The following CFAP77 variants were observed in gnomAD, a reference collection of about 807,000 sequenced individuals.
CFAP77 encodes cilia- and flagella-associated protein 77.
Under a neutral mutation model 31.1 loss-of-function variants are expected in CFAP77, and 25 were observed. That is an observed-to-expected ratio of 0.80 (90% CI 0.59 to 1.12). CFAP77 has a LOEUF of 1.12. Ranked by LOEUF, CFAP77 falls within the 50% of genes most tolerant of loss-of-function variation. The pLI is 0.00. For missense variants in CFAP77, 377 were observed against 397.3 expected, an observed-to-expected ratio of 0.95 and a Z score of 0.44; for synonymous variants, 151 against 159.9, an observed-to-expected ratio of 0.94 and a Z score of 0.42.
intron 3 of CFAP77, among the ~76,000 whole-genome samples, chr9:132,536,891 T>C (rs1372869119): frequency 6.6e-6 from 1 of 152,136 alleles, no homozygotes; most frequent in Non-Finnish European, 1.5e-5. Flanking sequence ...ATGGGAATAA[T>C]ACTAGTATCC....
At chr9:132,540,626 G>T (rs1293729280) in intron 4 of CFAP77, among the ~76,000 whole-genome samples, 1 of 152,222 alleles carries the variant, frequency 6.6e-6, no homozygotes, top group African/African-American at 2.4e-5. Context: ...AAGGCCCAAA[G>T]AAATGGTTAA....
chr9:132,482,243 T>G lies in CFAP77; in HGVS notation c.196-16452T>G, dbSNP rs112829495. On this transcript the variant is annotated intron_variant, in intron 1 of 5. Coordinates refer to ENST00000393216, the MANE Select transcript of CFAP77 (RefSeq NM_001282957.2). ...TTCTTAAATCTGCTCACTCAGGGTC[T>G]GCTGGCTGTGACCCTTGACAGCTAA... 2,564 of 1,002,550 alleles carry G rather than the reference T, an allele frequency of 2.6e-3. 31 individuals are homozygous for G. The African/African-American group carries it at 0.032, about 12-fold the overall frequency. 62.1% of individuals were successfully genotyped at this position (1,002,550 alleles called of 1,614,324 possible). A position where few individuals can be genotyped will look rare whatever the true frequency, so the allele number is the denominator to read the frequency against.
intron 1 of CFAP77, among the ~76,000 whole-genome samples, chr9:132,452,799 A>G (rs1177069682): frequency 2.6e-5 from 4 of 152,136 alleles, no homozygotes; most frequent in Non-Finnish European, 4.4e-5. Flanking sequence ...AAGGAACTAA[A>G]CAGCCTGGAG....
chr9:132,501,441 C>T lies in CFAP77; in HGVS notation c.524+1841C>T, dbSNP rs891253907. ...TTGGACAGTGTCTCTGTCTGTCCCC[C>T]AGGCTGGAGTGCAGTGGCGCAGTCT... On this transcript the variant is annotated intron_variant, in intron 3 of 5. Transcript: ENST00000393216. This position sits in a 1 kb window ranked among gnomAD's most constrained non-coding sequence, Gnocchi z 4.6. Among the ~76,000 whole-genome samples the T allele has an allele frequency of 6.6e-6, 1 of 151,826 alleles. No individual in the cohort carries two copies. Among genetic ancestry groups the T allele is most frequent in the African/African-American group, 2.4e-5 (1 of 41,274 alleles).
At chr9:132,415,333 C>A (rs1402700227) in intron 1 of CFAP77, among the ~76,000 whole-genome samples, 1 of 152,042 alleles carries the variant, frequency 6.6e-6, no homozygotes, top group Non-Finnish European at 1.5e-5. Flanking sequence ...CCAGGTACAT[C>A]CTTCAGTGAG....
chr9:132,525,139 C>T (rs984145474), intron 3 of CFAP77, among the ~76,000 whole-genome samples: 8 of 150,770 alleles, frequency 5.3e-5, no homozygotes, highest in African/African-American at 1.5e-4. Context: ...CCTGCGTCAG[C>T]CTCCTGAGTA....
chr9:132,537,529 G>A, intron 3 of CFAP77, 72 bp from the exon 4 acceptor site: 1 of 1,108,468 alleles, frequency 9.0e-7, no homozygotes, highest in South Asian at 1.4e-5. Flanking sequence ...GGCTCCCGGG[G>A]GCGGGCGGTG....
At chr9:132,443,003 A>G (rs1355373252) in intron 1 of CFAP77, among the ~76,000 whole-genome samples, 2 of 149,916 alleles carry the variant, frequency 1.3e-5, no homozygotes, top group African/African-American at 4.9e-5. Flanking sequence ...CTAACCACTA[A>G]CCTGCCTTTT....
At chr9:132,468,174 A>G (rs112588356) in intron 1 of CFAP77, among the ~76,000 whole-genome samples, 11,366 of 152,036 alleles carry the variant, frequency 0.075, 421 homozygotes, top group Middle Eastern at 0.11. Context: ...GAAACCCCGT[A>G]TCTACTAAAA....
Position 132,455,402 on chromosome 9 carries a change from G to C in CFAP77, c.196-43293G>C, listed in dbSNP as rs1850895301. Among the ~76,000 whole-genome samples the C allele has an allele frequency of 6.6e-6, 1 of 152,120 alleles. No individual in the cohort carries two copies. The highest frequency in any genetic ancestry group is 1.5e-5 in the Non-Finnish European group (1 of 68,026). On this transcript the variant is annotated intron_variant, in intron 1 of 5. Transcript: ENST00000393216. The surrounding 1 kb of genome is among the most constrained non-coding windows in gnomAD (Gnocchi z 4.1). Reference sequence around the variant, plus strand: ...GGCACCTGATATCCCAGCTACTCGGGAGGCTGAGGCAGGGAGGACTGCTTG... The same window carrying C: ...GGCACCTGATATCCCAGCTACTCGGCAGGCTGAGGCAGGGAGGACTGCTTG...
intron 5 of CFAP77, among the ~76,000 whole-genome samples, chr9:132,572,186 G>A (rs980922817): frequency 9.2e-5 from 14 of 152,134 alleles, no homozygotes; most frequent in African/African-American, 2.9e-4. Context: ...ACAGAAGGAC[G>A]AACAGTTCCC....
intron 1 of CFAP77, among the ~76,000 whole-genome samples, chr9:132,472,485 AT>A (rs1324535566): frequency 6.6e-6 from 1 of 152,222 alleles, no homozygotes; most frequent in Non-Finnish European, 1.5e-5. Flanking sequence ...GGCCAGGTGC[AT>A]TGGCTCACGC....
intron 1 of CFAP77, among the ~76,000 whole-genome samples, chr9:132,437,678 A>AT (rs1850534434): frequency 1.3e-5 from 2 of 150,716 alleles, no homozygotes; most frequent in Non-Finnish European, 3.0e-5. Flanking sequence ...CCCGGCTAAT[A>AT]TTTTTTGTAT....
chr9:132,542,225 C>T (rs567105698), intron 4 of CFAP77, among the ~76,000 whole-genome samples: 3 of 152,232 alleles, frequency 2.0e-5, no homozygotes, highest in South Asian at 2.1e-4. Context: ...ACTGACGACT[C>T]CCAAACCAGG....
At chr9:132,457,243 G>T (rs1352031053) in intron 1 of CFAP77, among the ~76,000 whole-genome samples, 1 of 134,408 alleles carries the variant, frequency 7.4e-6, no homozygotes, top group Non-Finnish European at 1.6e-5. Flanking sequence ...TCGCTCCCAC[G>T]CATGCCCGCC....
At chr9:132,566,209 T>C (rs1829882289) in intron 5 of CFAP77, among the ~76,000 whole-genome samples, 8 of 152,134 alleles carry the variant, frequency 5.3e-5, no homozygotes, top group Admixed American at 5.2e-4. Flanking sequence ...GCCATGACCT[T>C]GCAGCCAGCG....
chr9:132,483,334 C>G (rs1211283120), intron 1 of CFAP77, among the ~76,000 whole-genome samples: 2 of 151,174 alleles, frequency 1.3e-5, no homozygotes, highest in Non-Finnish European at 2.9e-5. Context: ...TCCAAAGAGG[C>G]CTGACTTGGA....
chr9:132,482,342 T>C (rs201091908), intron 1 of CFAP77: 30 of 1,614,000 alleles, frequency 1.9e-5, no homozygotes, highest in Non-Finnish European at 2.5e-5. Context: ...GAACCTCTTA[T>C]TCTGTTTATG....
chr9:132,537,071 G>C (rs1409184400), intron 3 of CFAP77, among the ~76,000 whole-genome samples: 3 of 152,146 alleles, frequency 2.0e-5, no homozygotes, highest in Admixed American at 6.5e-5. Flanking sequence ...ACTGAGTTCA[G>C]TTCCAGATAC....
Sources: gnomAD v4.1 joint callset for allele counts (sites outside exome capture counted in the v4.1 genomes callset) on GRCh38, gnomAD v4.1.1 for gene constraint, Gnocchi (gnomAD v3.1) non-coding constraint, MANE v1.5 for transcripts, NCBI Gene and HGNC (gene_info 2026-07-23, HGNC 2026-07-21) for gene names.